ZNF714: variants seen among roughly 807,000 people sequenced by gnomAD.
ZNF714 encodes the protein zinc finger protein 714.
Under a neutral mutation model 46.2 loss-of-function variants are expected in ZNF714, and 32 were observed. The observed-to-expected ratio is 0.69, with a 90% CI of 0.52 to 0.93. The LOEUF (loss-of-function observed/expected upper bound fraction) is 0.93. ZNF714 is among the 40% of genes least tolerant of loss of function. The pLI, the probability that ZNF714 is intolerant of heterozygous loss-of-function variation, is 0.00. For synonymous variants in ZNF714, 199 were observed against 213.1 expected, an observed-to-expected ratio of 0.93 and a Z score of 0.58; for missense variants, 635 against 646.3, an observed-to-expected ratio of 0.98 and a Z score of 0.19.
At chr19:21,107,657 G>A (rs1207878285) in intron 4 of ZNF714, among the ~76,000 whole-genome samples, 1 of 152,016 alleles carries the variant, frequency 6.6e-6, no homozygotes, top group Non-Finnish European at 1.5e-5. Flanking sequence ...ATTGACCATT[G>A]AACAAAAATA....
rs1969758109 is a variant in ZNF714 at position 21,124,305 on chromosome 19, A to G, written c.*5973A>G. 6.6e-6 allele frequency: 1 copy of G among 152,234 alleles called. No individual in the cohort carries two copies. 9.4% of individuals were successfully genotyped at this position (152,234 alleles called of 1,614,324 possible). On this transcript the variant is annotated 3_prime_UTR_variant, in exon 5 of 5. Coordinates refer to ENST00000456283, the MANE Select transcript of ZNF714 (RefSeq NM_182515.4). Reference sequence around the variant, plus strand: ...AACATTTTGAAAATATTTTCTCTTGACAGATAAAAATGTGTACTTTTTCTG... The same window carrying G: ...AACATTTTGAAAATATTTTCTCTTGGCAGATAAAAATGTGTACTTTTTCTG...
rs113071148 is a variant in ZNF714 at position 21,118,347 on chromosome 19, G to A, written c.*15G>A. On this transcript the variant is annotated 3_prime_UTR_variant, in exon 5 of 5. Coordinates refer to ENST00000456283, the MANE Select transcript of ZNF714 (RefSeq NM_182515.4). Reference sequence around the variant, plus strand: ...GGCGCCTGTAATCCCAGCTACTTGGGAGGCAGAGGCAGGAGAATCATTTGA... The same window carrying A: ...GGCGCCTGTAATCCCAGCTACTTGGAAGGCAGAGGCAGGAGAATCATTTGA... 54,932 of 683,592 alleles carry A rather than the reference G, an allele frequency of 0.08. 2,606 individuals carry two copies. Among genetic ancestry groups the A allele is most frequent in the Non-Finnish European group, 0.088 (36,400 of 415,346 alleles). 42.3% of individuals were successfully genotyped at this position (683,592 alleles called of 1,614,324 possible).
chr19:21,086,115 G>A (rs1262808742), intron 2 of ZNF714, among the ~76,000 whole-genome samples: 1 of 152,116 alleles, frequency 6.6e-6, no homozygotes, highest in East Asian at 1.9e-4. Context: ...CATAAAATGA[G>A]ATTTTATGTT....
chr19:21,118,317 T>C lies in ZNF714; in HGVS notation c.1653T>C (p.Gly551=). Residue 551 remains glycine (G), a synonymous_variant, in exon 5 of 5, where the codon GGT becomes GGC. Coordinates refer to ENST00000456283, the MANE Select transcript of ZNF714 (RefSeq NM_182515.4). ...AAATACAAAAATTTGCTGGGTGTGG[T>C]GGCAGGCGCCTGTAATCCCAGCTAC... ...LLKIQKFAGC[G]GRRL 1.1e-6 allele frequency: 1 copy of C among 904,844 alleles called. No individual in the cohort carries two copies. Among genetic ancestry groups the C allele is most frequent in the Non-Finnish European group, 1.7e-6 (1 of 604,540 alleles). The allele number at this position is 904,844 out of a possible 1,614,324, so 56.1% of individuals were successfully genotyped here.
At chr19:21,093,920 C>G (rs905444005) in intron 2 of ZNF714, among the ~76,000 whole-genome samples, 1 of 152,216 alleles carries the variant, frequency 6.6e-6, no homozygotes, top group Non-Finnish European at 1.5e-5. Flanking sequence ...AAGTGTGAAC[C>G]ACCTCACCTG....
intron 4 of ZNF714, among the ~76,000 whole-genome samples, chr19:21,108,675 T>TACA (rs781134720): frequency 1.2e-4 from 18 of 152,238 alleles, no homozygotes; most frequent in Non-Finnish European, 1.6e-4. Flanking sequence ...ACCCTTCTTG[T>TACA]ACAGTCTGCT....
At chr19:21,096,094 C>T (rs940491954) in intron 2 of ZNF714, among the ~76,000 whole-genome samples, 20 of 152,060 alleles carry the variant, frequency 1.3e-4, no homozygotes, top group African/African-American at 4.3e-4. Context: ...GGGCAGTGGC[C>T]CATATTTTCA....
intron 4 of ZNF714, among the ~76,000 whole-genome samples, chr19:21,108,861 T>G (rs73024648): frequency 0.071 from 10,772 of 152,262 alleles, 464 homozygotes; most frequent in Non-Finnish European, 0.086. Context: ...ATTATGTTGC[T>G]ATGTATTTCT....
At position 21,122,460 on chromosome 19, in the gene ZNF714, A is replaced by G. The variant is rs577854004; in HGVS notation, c.*4128A>G. 1 of 152,170 alleles carries G rather than the reference A, an allele frequency of 6.6e-6. No individual in the cohort carries two copies. Among genetic ancestry groups the G allele is most frequent in the Admixed American group, 6.5e-5 (1 of 15,282 alleles). The allele number at this position is 152,170 out of a possible 1,614,324, so 9.4% of individuals were successfully genotyped here. On this transcript the variant is annotated 3_prime_UTR_variant, in exon 5 of 5. Transcript: ENST00000456283. ...CGGTCTCTACTAATAAACTACAAAA[A>G]TTAGCTGATTGTGGTGGCATCCACC... is the stretch of plus-strand genomic sequence containing the variant.
chr19:21,106,901 C>T (rs1052533416), intron 4 of ZNF714, among the ~76,000 whole-genome samples: 4 of 151,858 alleles, frequency 2.6e-5, no homozygotes, highest in Non-Finnish European at 5.9e-5. Flanking sequence ...GATCTCGGCT[C>T]ACTGCACCTC....
intron 4 of ZNF714, among the ~76,000 whole-genome samples, chr19:21,099,534 T>A (rs1042100590): frequency 1.3e-5 from 2 of 152,178 alleles, no homozygotes; most frequent in Non-Finnish European, 2.9e-5. Flanking sequence ...CTGTCTGAAA[T>A]ATGTGAGAGT....
chr19:21,100,449 T>C (rs1416520563), intron 4 of ZNF714, among the ~76,000 whole-genome samples: 1 of 151,950 alleles, frequency 6.6e-6, no homozygotes, highest in Non-Finnish European at 1.5e-5. Context: ...GGAGAATCGC[T>C]TCAACCCAGG....
At chr19:21,106,673 T>C (rs1419245405) in intron 4 of ZNF714, among the ~76,000 whole-genome samples, 3 of 152,150 alleles carry the variant, frequency 2.0e-5, no homozygotes, top group Non-Finnish European at 2.9e-5. Flanking sequence ...GAAAAGATTA[T>C]CTCTTCTCTG....
chr19:21,082,391 G>T (rs7258409), intron 1 of ZNF714, 43 bp downstream of exon 1: 1,149,530 of 1,440,834 alleles, frequency 0.8, 470,314 homozygotes, highest in Middle Eastern at 0.84. Context: ...GGGAAGGGGC[G>T]GGTTGTAAGC....
rs2144842256 is a variant in ZNF714, at chr19:21,098,233, T to C, written c.-36T>C. 1 of 1,611,732 alleles carries C rather than the reference T, an allele frequency of 6.2e-7. No homozygotes were observed. Among genetic ancestry groups the C allele is most frequent in the Middle Eastern group, 1.7e-4 (1 of 6,048 alleles). On this transcript the variant is annotated 5_prime_UTR_variant, in exon 3 of 5. Coordinates refer to ENST00000456283, the MANE Select transcript of ZNF714 (RefSeq NM_182515.4). ...GGCCATAGAATTCTCTCTGGAGGAGTGGGAATGCCTGAACCCTGCTCAGCA... is the reference window on the plus strand; with the variant it reads ...GGCCATAGAATTCTCTCTGGAGGAGCGGGAATGCCTGAACCCTGCTCAGCA...
At chr19:21,102,486 A>G (rs1293717768) in intron 4 of ZNF714, among the ~76,000 whole-genome samples, 2 of 152,208 alleles carry the variant, frequency 1.3e-5, no homozygotes, top group Non-Finnish European at 1.5e-5. Flanking sequence ...TGAAAAATAT[A>G]AGTTTTAATT....
chr19:21,097,231 A>G (rs913770070), intron 2 of ZNF714, among the ~76,000 whole-genome samples: 2 of 152,202 alleles, frequency 1.3e-5, no homozygotes, highest in African/African-American at 4.8e-5. Context: ...CCTGCTTTCT[A>G]GGATGCTAAA....
At chr19:21,106,287 G>A (rs939487881) in intron 4 of ZNF714, among the ~76,000 whole-genome samples, 2 of 147,770 alleles carry the variant, frequency 1.4e-5, no homozygotes, top group African/African-American at 2.5e-5. Context: ...AAATAAAATC[G>A]GGCCGGGCAC....
chr19:21,117,403 CAT>C lies in ZNF714; in HGVS notation c.741_742del (p.His247GlnfsTer13), dbSNP rs770230099. 19 of 1,613,132 alleles carry C rather than the reference CAT, an allele frequency of 1.2e-5. No individual in the cohort carries two copies. The highest frequency in any genetic ancestry group is 1.5e-5 in the Non-Finnish European group (18 of 1,179,630). On this transcript the variant is annotated frameshift_variant, in exon 5 of 5. Transcript: ENST00000456283. LOFTEE classifies it high-confidence loss of function. ...CTACCATTCTTCACACCTTACTACA[CAT>C]AAGGTAATTCATACTGGAGAGAAGC... ...AFYHSSHLTT[H>X]KVIHTGEKPF...
Sources: allele counts gnomAD v4.1 joint callset (sites outside exome capture counted in the v4.1 genomes callset), GRCh38; gene constraint gnomAD v4.1.1; transcripts MANE v1.5; gene names NCBI Gene and HGNC (gene_info 2026-07-23, HGNC 2026-07-21).